The following CSNK1A1 variants were observed in gnomAD, a reference collection of about 807,000 sequenced individuals.
CSNK1A1 encodes the protein casein kinase I isoform alpha.
In CSNK1A1, 7 loss-of-function variants were observed where a neutral mutation model predicts 46.1. The ratio of observed to expected loss-of-function variants is 0.15; its 90% confidence interval spans 0.09 to 0.29. The LOEUF is 0.29. Ranked by LOEUF, CSNK1A1 falls within the 10% of genes least tolerant of loss-of-function variation. The pLI is 1.00. For missense variants in CSNK1A1, 96 were observed against 417.1 expected (o/e 0.23, Z 6.71); for synonymous variants, 137 against 141.5 (o/e 0.97, Z 0.23).
At chr5:149,510,464 CTTTG>C (rs1487575102) in intron 6 of CSNK1A1, among the ~76,000 whole-genome samples, 2 of 151,478 alleles carry the variant, frequency 1.3e-5, no homozygotes, top group African/African-American at 4.9e-5. Flanking sequence ...TTTTCCTTTT[CTTTG>C]TTTTTTTGTT....
chr5:149,527,630 T>C (rs1761762047), intron 2 of CSNK1A1, among the ~76,000 whole-genome samples: 1 of 152,180 alleles, frequency 6.6e-6, no homozygotes, highest in Admixed American at 6.5e-5. Context: ...ATAAGCTGGG[T>C]TCTCCTTTCC....
Position 149,511,922 on chromosome 5 carries a change from A to C in CSNK1A1, c.597-50T>G, listed in dbSNP as rs1761234176. On this transcript the variant is annotated intron_variant, in intron 5 of 9. Transcript: ENST00000377843. ...AAACTGGAACTATTATTATGAAAAAACATATGAAAGAAAGTCAAGTACCCA... is the reference window on the plus strand; with the variant it reads ...AAACTGGAACTATTATTATGAAAAACCATATGAAAGAAAGTCAAGTACCCA... The C allele has an allele frequency of 5.6e-6, 8 of 1,420,550 alleles. No individual in the cohort carries two copies. The Middle Eastern group carries it at 8.3e-4, about 147-fold the overall frequency. 88.0% of individuals were successfully genotyped at this position (1,420,550 alleles called of 1,614,324 possible).
chr5:149,510,660 G>T (rs1400562669), intron 6 of CSNK1A1, among the ~76,000 whole-genome samples: 1 of 151,078 alleles, frequency 6.6e-6, no homozygotes, highest in African/African-American at 2.4e-5. Flanking sequence ...TTTTTTTAAA[G>T]TAGAGGTGAG....
At chr5:149,523,852 A>AC (rs1269847675) in intron 3 of CSNK1A1, among the ~76,000 whole-genome samples, 1 of 152,208 alleles carries the variant, frequency 6.6e-6, no homozygotes, top group Non-Finnish European at 1.5e-5. Flanking sequence ...ATTTTGAAAT[A>AC]AACGATAAGC....
chr5:149,506,446 A>AG (rs1341771910), intron 8 of CSNK1A1, among the ~76,000 whole-genome samples: 1 of 152,060 alleles, frequency 6.6e-6, no homozygotes, highest in Non-Finnish European at 1.5e-5. Flanking sequence ...CATGTCGGGC[A>AG]GGCTGGTCTC....
chr5:149,505,605 A>G lies in CSNK1A1; in HGVS notation c.858-10T>C, dbSNP rs748138854. On this transcript the variant is annotated splice_polypyrimidine_tract_variant and intron_variant, in intron 8 of 9. Transcript: ENST00000377843. ...TTGATGGTTCAGGGTCCTGGAACAC[A>G]TAAAATATTTTATGTTAATCCTTTA... The G allele has an allele frequency of 6.2e-7, 1 of 1,608,548 alleles. No individual in the cohort carries two copies. Among genetic ancestry groups the G allele is most frequent in the South Asian group, 1.1e-5 (1 of 90,862 alleles).
In CSNK1A1 at chr5:149,550,749, AG is replaced by A. The variant is rs1444472842; in HGVS notation, c.123+92del. On this transcript the variant is annotated intron_variant, in intron 1 of 9. Coordinates refer to ENST00000377843, the MANE Select transcript of CSNK1A1 (RefSeq NM_001892.6). The surrounding 1 kb of genome is among the most constrained non-coding windows in gnomAD (Gnocchi z 4.3). ...GACTCCCTGGCGAGTGCGTGCGATG[AG>A]GAGAGGCCCGAGCACTTTGGGGGTG... 5.2e-6 allele frequency: 8 copies of A among 1,550,906 alleles called. No individual in the cohort carries two copies. In the African/African-American group the frequency reaches 5.5e-5, roughly 11 times the overall value.
In CSNK1A1 at chr5:149,494,188, T is replaced by C. The variant is rs1034199239; in HGVS notation, c.*2665A>G. On this transcript the variant is annotated 3_prime_UTR_variant, in exon 10 of 10. Transcript: ENST00000377843. ...CAGTATGCTCAGCTTAAAACATTTA[T>C]GAGTACTGCAAGGACTAACAGAAAC... 6.6e-6 allele frequency: 1 copy of C among 152,306 alleles called. No individual in the cohort carries two copies. Among genetic ancestry groups the C allele is most frequent in the East Asian group, 1.9e-4 (1 of 5,192 alleles). The allele number at this position is 152,306 out of a possible 1,614,324, so 9.4% of individuals were successfully genotyped here. A position where few individuals can be genotyped will look rare whatever the true frequency, so the allele number is the denominator to read the frequency against.
At chr5:149,530,953 G>A (rs1214570460) in intron 2 of CSNK1A1, among the ~76,000 whole-genome samples, 14 of 17,256 alleles carry the variant, frequency 8.1e-4, no homozygotes, top group Admixed American at 2.0e-3. Flanking sequence ...ATGACAAAGC[G>A]AGACTCTGTC....
chr5:149,518,297 G>A (rs181290182), intron 4 of CSNK1A1, among the ~76,000 whole-genome samples: 1 of 152,196 alleles, frequency 6.6e-6, no homozygotes, highest in Admixed American at 6.5e-5. Context: ...ATTTATTTTC[G>A]TAAGCATGCA....
intron 9 of CSNK1A1, 103 bp from the exon 10 acceptor site, chr5:149,496,963 G>A (rs1443670258): frequency 1.3e-6 from 2 of 1,483,094 alleles, no homozygotes; most frequent in Non-Finnish European, 1.8e-6. Flanking sequence ...AATAATTATA[G>A]TGGCTCATGT....
chr5:149,529,932 T>TG lies in CSNK1A1; in HGVS notation c.231-4762dup, dbSNP rs575197494. ...TTTCTGAAAAATGTCTTCATGAAAA[T>TG]GGGAGTATTTGAGAAAAAAAATACA... On this transcript the variant is annotated intron_variant, in intron 2 of 9. Transcript: ENST00000377843. Among the ~76,000 whole-genome samples, 7 of 152,040 alleles carry TG rather than the reference T, an allele frequency of 4.6e-5. No homozygotes were observed. The South Asian group carries it at 1.2e-3, about 27-fold the overall frequency.
At chr5:149,510,238 T>C (rs1051436941) in intron 6 of CSNK1A1, among the ~76,000 whole-genome samples, 2 of 152,078 alleles carry the variant, frequency 1.3e-5, no homozygotes, top group Non-Finnish European at 2.9e-5. Context: ...GGGGCCAAAA[T>C]TGAAAAGCAT....
intron 2 of CSNK1A1, among the ~76,000 whole-genome samples, chr5:149,540,023 A>G (rs1762180067): frequency 6.6e-6 from 1 of 152,234 alleles, no homozygotes; most frequent in East Asian, 1.9e-4. Context: ...AAAAGTACTT[A>G]TCAACATTAC....
At position 149,496,863 on chromosome 5, in the gene CSNK1A1, G is replaced by A. The variant is rs781670961; in HGVS notation, c.1007-3C>T. On this transcript the variant is annotated splice_polypyrimidine_tract_variant and splice_region_variant and intron_variant, in intron 9 of 9. Coordinates refer to ENST00000377843, the MANE Select transcript of CSNK1A1 (RefSeq NM_001892.6). Reference sequence around the variant, plus strand: ...TTCCTCAATTCATGCTTAGAAACCTGGTAAAAAATCAAAACAAAAAAAAAG... The same window carrying A: ...TTCCTCAATTCATGCTTAGAAACCTAGTAAAAAATCAAAACAAAAAAAAAG... 28 of 1,546,684 alleles carry A rather than the reference G, an allele frequency of 1.8e-5. 1 individual carries two copies. The South Asian group carries it at 3.2e-4, about 18-fold the overall frequency.
chr5:149,505,000 C>A (rs764774936), intron 9 of CSNK1A1: 83 of 985,440 alleles, frequency 8.4e-5, no homozygotes, highest in Non-Finnish European at 9.8e-5. Context: ...CATTAACATG[C>A]AAAATAAAAA....
At chr5:149,523,397 G>T (rs1189757057) in intron 3 of CSNK1A1, among the ~76,000 whole-genome samples, 1 of 152,202 alleles carries the variant, frequency 6.6e-6, no homozygotes, top group Non-Finnish European at 1.5e-5. Context: ...TGCTCAGGCT[G>T]GAGTGCAGTG....
chr5:149,506,937 A>G (rs2113072341), intron 8 of CSNK1A1, 90 bp downstream of exon 8: 3 of 952,412 alleles, frequency 3.1e-6, no homozygotes, highest in Non-Finnish European at 3.2e-6. Context: ...GATCTGCTTT[A>G]CTTTAGTATT....
Position 149,496,154 on chromosome 5 carries a change from C to CT in CSNK1A1, c.*698dup, listed in dbSNP as rs902204659. On this transcript the variant is annotated 3_prime_UTR_variant, in exon 10 of 10. Transcript: ENST00000377843. ...TAACTAAATTTCTGTGACAAATATG[C>CT]TTTTTTTTTAATACCAAGAACATTA... 1.5e-3 allele frequency: 234 copies of CT among 151,266 alleles called. 1 individual carries two copies. Among genetic ancestry groups the CT allele is most frequent in the African/African-American group, 7.5e-4 (31 of 41,118 alleles). 9.4% of individuals were successfully genotyped at this position (151,266 alleles called of 1,614,324 possible). A position where few individuals can be genotyped will look rare whatever the true frequency, so the allele number is the denominator to read the frequency against.
Sources: gnomAD v4.1 joint callset for allele counts (sites outside exome capture counted in the v4.1 genomes callset) on GRCh38, gnomAD v4.1.1 for gene constraint, Gnocchi (gnomAD v3.1) non-coding constraint, MANE v1.5 for transcripts, NCBI Gene and HGNC (gene_info 2026-07-23, HGNC 2026-07-21) for gene names.